CA10: variants seen among roughly 807,000 people sequenced by gnomAD.
CA10 encodes the protein carbonic anhydrase 10 (inactive).
Under a neutral mutation model 44.2 loss-of-function variants are expected in CA10, and 14 were observed. That is an observed-to-expected ratio of 0.32 (90% CI 0.21 to 0.50). CA10 has a LOEUF of 0.50. CA10 is among the 20% of genes least tolerant of loss of function. The pLI is 0.99. For synonymous variants in CA10, 159 were observed against 141.6 expected (o/e 1.12, Z -0.87); for missense variants, 350 against 409.7 (o/e 0.85, Z 1.26).
intron 3 of CA10, among the ~76,000 whole-genome samples, chr17:51,814,895 T>A (rs1165807268): frequency 2.0e-5 from 3 of 152,190 alleles, no homozygotes; most frequent in Non-Finnish European, 4.4e-5. Context: ...AAATTTCACA[T>A]CACTGTGTAG....
intron 3 of CA10, among the ~76,000 whole-genome samples, chr17:51,758,931 A>G (rs531693124): frequency 6.6e-6 from 1 of 152,244 alleles, no homozygotes; most frequent in African/African-American, 2.4e-5. Context: ...TGTGAATGCA[A>G]GACTGTCCGA....
At chr17:51,825,597 G>A (rs893030365) in intron 3 of CA10, among the ~76,000 whole-genome samples, 2 of 152,128 alleles carry the variant, frequency 1.3e-5, no homozygotes, top group African/African-American at 4.8e-5. Flanking sequence ...TTTGAACCAG[G>A]AACACCAAAC....
chr17:52,030,434 T>G (rs891978635), intron 2 of CA10, among the ~76,000 whole-genome samples: 2 of 152,128 alleles, frequency 1.3e-5, no homozygotes, highest in African/African-American at 2.4e-5. Context: ...CAAAGGAAAC[T>G]TGCTTTAGTC....
At chr17:52,084,362 C>T (rs1988062377) in intron 1 of CA10, among the ~76,000 whole-genome samples, 1 of 152,058 alleles carries the variant, frequency 6.6e-6, no homozygotes, top group African/African-American at 2.4e-5. Context: ...GATTCTGATC[C>T]ACACAGCATT....
chr17:51,880,054 A>G (rs920189348), intron 3 of CA10, among the ~76,000 whole-genome samples: 1 of 152,084 alleles, frequency 6.6e-6, no homozygotes, highest in East Asian at 1.9e-4. Context: ...CACCTCAACT[A>G]TCTTCTTTAT....
chr17:51,884,509 G>A (rs924458003), intron 3 of CA10, among the ~76,000 whole-genome samples: 1 of 152,006 alleles, frequency 6.6e-6, no homozygotes, highest in African/African-American at 2.4e-5. Context: ...ACTCATCCAG[G>A]TCTTTGACTT....
At chr17:52,100,972 A>G (rs892019059) in intron 1 of CA10, among the ~76,000 whole-genome samples, 2 of 152,232 alleles carry the variant, frequency 1.3e-5, no homozygotes, top group African/African-American at 4.8e-5. Context: ...CAGTCCAGAT[A>G]TTAGCTAATC....
At chr17:51,670,916 A>ATGTT (rs950993343) in intron 4 of CA10, among the ~76,000 whole-genome samples, 11 of 152,208 alleles carry the variant, frequency 7.2e-5, no homozygotes, top group African/African-American at 2.7e-4. Context: ...CAAAAACAAA[A>ATGTT]TGTTAAGCAC....
At chr17:52,100,702 G>A (rs1414961477) in intron 1 of CA10, among the ~76,000 whole-genome samples, 4 of 152,014 alleles carry the variant, frequency 2.6e-5, no homozygotes, top group African/African-American at 9.7e-5. Flanking sequence ...CCCATATCTG[G>A]TCTCTCATGC....
chr17:51,915,568 A>G (rs1441583010), intron 3 of CA10, among the ~76,000 whole-genome samples: 1 of 152,152 alleles, frequency 6.6e-6, no homozygotes, highest in Non-Finnish European at 1.5e-5. Flanking sequence ...AAAATTACTT[A>G]TTTATATATT....
At chr17:51,856,511 G>A (rs1598084411) in intron 3 of CA10, among the ~76,000 whole-genome samples, 1 of 152,070 alleles carries the variant, frequency 6.6e-6, no homozygotes, top group Non-Finnish European at 1.5e-5. Context: ...GACAAGGCAC[G>A]CAAATCACAG....
chr17:52,135,611 G>T (rs993415448), intron 1 of CA10, among the ~76,000 whole-genome samples: 1 of 152,116 alleles, frequency 6.6e-6, no homozygotes, highest in African/African-American at 2.4e-5. Context: ...TGAAGTGTCT[G>T]TTTCTAGCTT....
chr17:52,129,334 T>C (rs1277020905), intron 1 of CA10, among the ~76,000 whole-genome samples: 1 of 152,230 alleles, frequency 6.6e-6, no homozygotes, highest in Non-Finnish European at 1.5e-5. Context: ...TTTATCATCA[T>C]TGTCCTCTTC....
intron 3 of CA10, among the ~76,000 whole-genome samples, chr17:51,869,695 A>G (rs1203863653): frequency 1.3e-5 from 2 of 152,158 alleles, no homozygotes; most frequent in Non-Finnish European, 2.9e-5. Flanking sequence ...GGATCACTTG[A>G]GGTCAAGAGC....
intron 4 of CA10, among the ~76,000 whole-genome samples, chr17:51,663,032 C>T (rs1056540504): frequency 1.3e-5 from 2 of 152,088 alleles, no homozygotes; most frequent in African/African-American, 4.8e-5. Flanking sequence ...TACTTATCCC[C>T]TCTGATTATT....
At chr17:52,064,625 A>G (rs78874750) in intron 2 of CA10, among the ~76,000 whole-genome samples, 1 of 151,934 alleles carries the variant, frequency 6.6e-6, no homozygotes, top group Non-Finnish European at 1.5e-5. Flanking sequence ...GGTAACTTGT[A>G]GGTGGTTGGG....
chr17:52,051,647 A>G (rs1477843265), intron 2 of CA10, among the ~76,000 whole-genome samples: 3 of 151,964 alleles, frequency 2.0e-5, no homozygotes, highest in Non-Finnish European at 4.4e-5. Context: ...ACATATGCTG[A>G]CAAGGTTGTG....
At chr17:52,003,952 A>T (rs371431831) in intron 2 of CA10, among the ~76,000 whole-genome samples, 4 of 143,454 alleles carry the variant, frequency 2.8e-5, no homozygotes, top group South Asian at 2.2e-4. Context: ...AAAAAAAAAA[A>T]CCCTTAACAC....
chr17:52,108,775 C>T (rs371731085), intron 1 of CA10, among the ~76,000 whole-genome samples: 23 of 146,494 alleles, frequency 1.6e-4, no homozygotes, highest in Admixed American at 5.5e-4. Context: ...AGTGGGAGGG[C>T]GCAAGGGATA....
Sources: allele counts gnomAD v4.1 joint callset (sites outside exome capture counted in the v4.1 genomes callset), GRCh38; gene constraint gnomAD v4.1.1; transcripts MANE v1.5; gene names NCBI Gene and HGNC (gene_info 2026-07-23, HGNC 2026-07-21).